The following ZNF385D variants were observed in gnomAD, a reference collection of about 807,000 sequenced individuals.
ZNF385D encodes the protein zinc finger protein 385D.
ZNF385D carries 15 observed loss-of-function variants against 35.8 expected under a neutral mutation model. That is an observed-to-expected ratio of 0.42 (90% CI 0.28 to 0.64). The LOEUF (loss-of-function observed/expected upper bound fraction) is 0.64. Ranked by LOEUF, ZNF385D falls within the 30% of genes least tolerant of loss-of-function variation. The pLI is 0.23. For missense variants in ZNF385D, 474 were observed against 494.6 expected (o/e 0.96, Z 0.39); for synonymous variants, 212 against 186.8 (o/e 1.13, Z -1.10).
chr3:22,138,621 A>G (rs986387619), intron 3 of ZNF385D, among the ~76,000 whole-genome samples: 3 of 151,946 alleles, frequency 2.0e-5, no homozygotes, highest in African/African-American at 2.4e-5. Flanking sequence ...TATATGTAGA[A>G]AGCTGAAACT....
intron 2 of ZNF385D, among the ~76,000 whole-genome samples, chr3:22,229,361 T>C (rs1005506305): frequency 2.0e-5 from 3 of 152,194 alleles, no homozygotes; most frequent in Admixed American, 6.5e-5. Context: ...CCAACTTAGG[T>C]TGTGGTTCAC....
At chr3:22,320,001 C>A (rs1300789153) in intron 2 of ZNF385D, among the ~76,000 whole-genome samples, 5 of 151,928 alleles carry the variant, frequency 3.3e-5, no homozygotes, top group South Asian at 2.1e-4. Context: ...ACAAGAGTGA[C>A]CCCTGCCTTG....
Position 21,750,912 on chromosome 3 carries a change from C to G in ZNF385D, c.5G>C (p.Arg2Thr), listed in dbSNP as rs1575588244. 1 of 1,614,092 alleles carries G rather than the reference C, an allele frequency of 6.2e-7. No homozygotes were observed. Among genetic ancestry groups the G allele is most frequent in the Admixed American group, 1.7e-5 (1 of 60,002 alleles). The change falls in exon 1 of 8, where the codon AGA becomes ACA. Residue 2 changes from arginine to threonine, a missense_variant. Arg to Thr is a moderately conservative substitution (Grantham distance 71). Transcript: ENST00000281523. M[R>T]NIMYFGGTCQ... ...ACACTCACCAAAATACATTATGTTT[C>G]TCATTAATCAGACAGCTGGAATCCC...
At chr3:21,430,468 G>A (rs1341795391) in intron 5 of ZNF385D, among the ~76,000 whole-genome samples, 1 of 152,120 alleles carries the variant, frequency 6.6e-6, no homozygotes, top group East Asian at 1.9e-4. Flanking sequence ...TGGACCCTGT[G>A]ACCAAAGGAA....
At chr3:21,962,480 C>T (rs1273659476) in intron 3 of ZNF385D, among the ~76,000 whole-genome samples, 2 of 152,156 alleles carry the variant, frequency 1.3e-5, no homozygotes, top group Non-Finnish European at 2.9e-5. Flanking sequence ...AAGCAGGCAG[C>T]TTAGAAATAG....
intron 3 of ZNF385D, among the ~76,000 whole-genome samples, chr3:22,046,858 A>G (rs530541672): frequency 1.3e-5 from 2 of 152,166 alleles, no homozygotes; most frequent in Non-Finnish European, 2.9e-5. Context: ...TGTGGAATTC[A>G]TTTCATCAAC....
chr3:22,100,371 G>C (rs1287837504), intron 3 of ZNF385D, among the ~76,000 whole-genome samples: 1,809 of 146,910 alleles, frequency 0.012, 29 homozygotes, highest in African/African-American at 0.044. Flanking sequence ...CTGCTATAAA[G>C]ACACATGCAC....
chr3:21,443,988 A>G (rs1701996658), intron 4 of ZNF385D, among the ~76,000 whole-genome samples: 2 of 152,106 alleles, frequency 1.3e-5, no homozygotes, highest in African/African-American at 4.8e-5. Context: ...TGCTACATGT[A>G]TTACATGCAA....
At chr3:22,153,158 G>A (rs1369486868) in intron 3 of ZNF385D, among the ~76,000 whole-genome samples, 1 of 152,100 alleles carries the variant, frequency 6.6e-6, no homozygotes, top group Non-Finnish European at 1.5e-5. Context: ...TGTGACTGGT[G>A]AACTCATATT....
chr3:21,787,424 C>A (rs968240634), intron 3 of ZNF385D, among the ~76,000 whole-genome samples: 2 of 152,140 alleles, frequency 1.3e-5, no homozygotes. Context: ...AGTCTAAAAA[C>A]TAAATGGGAA....
At chr3:21,710,989 T>C (rs995951651) in intron 1 of ZNF385D, among the ~76,000 whole-genome samples, 1 of 150,878 alleles carries the variant, frequency 6.6e-6, no homozygotes, top group Non-Finnish European at 1.5e-5. Context: ...GACTTTTGTC[T>C]TTGAGCAACT....
intron 3 of ZNF385D, among the ~76,000 whole-genome samples, chr3:21,914,356 T>C (rs1700096545): frequency 1.3e-5 from 2 of 149,496 alleles, no homozygotes; most frequent in African/African-American, 2.5e-5. Context: ...CTCTAACCCA[T>C]CTTCTGTTCA....
At chr3:21,620,516 G>C (rs1290348186) in intron 2 of ZNF385D, among the ~76,000 whole-genome samples, 4 of 152,114 alleles carry the variant, frequency 2.6e-5, no homozygotes, top group Non-Finnish European at 5.9e-5. Context: ...ATCCTTCAAT[G>C]CAGACTGGGA....
intron 1 of ZNF385D, among the ~76,000 whole-genome samples, chr3:21,683,615 TC>T (rs1298518902): frequency 6.8e-6 from 1 of 148,132 alleles, no homozygotes; most frequent in African/African-American, 2.5e-5. Flanking sequence ...AGACTCCATC[TC>T]AAAAAAAAAA....
chr3:21,940,549 G>A (rs1701467262), intron 3 of ZNF385D, among the ~76,000 whole-genome samples: 1 of 152,266 alleles, frequency 6.6e-6, no homozygotes, highest in East Asian at 1.9e-4. Context: ...TCTGCTTCTT[G>A]CTGAAGTGCA....
intron 2 of ZNF385D, among the ~76,000 whole-genome samples, chr3:21,575,944 C>G: frequency 6.6e-6 from 1 of 152,028 alleles, no homozygotes; most frequent in East Asian, 1.9e-4. Flanking sequence ...AGTGGGAAAA[C>G]CTGGATTCAA....
chr3:21,849,007 T>C (rs1275161238), intron 3 of ZNF385D, among the ~76,000 whole-genome samples: 1 of 152,072 alleles, frequency 6.6e-6, no homozygotes, highest in Non-Finnish European at 1.5e-5. Flanking sequence ...TTTCTTAAAG[T>C]TTTATCAACA....
chr3:22,116,679 A>T (rs1702828003), intron 3 of ZNF385D, among the ~76,000 whole-genome samples: 1 of 152,100 alleles, frequency 6.6e-6, no homozygotes, highest in East Asian at 1.9e-4. Flanking sequence ...ATTTGAAGAG[A>T]TTATCAGATA....
intron 3 of ZNF385D, among the ~76,000 whole-genome samples, chr3:22,034,547 A>G (rs1335995212): frequency 6.6e-6 from 1 of 152,228 alleles, no homozygotes; most frequent in Admixed American, 6.5e-5. Flanking sequence ...AAAATGAGGA[A>G]AAAAGAAATC....
Sources: gnomAD v4.1 joint callset for allele counts (sites outside exome capture counted in the v4.1 genomes callset) on GRCh38, gnomAD v4.1.1 for gene constraint, MANE v1.5 for transcripts, NCBI Gene and HGNC (gene_info 2026-07-23, HGNC 2026-07-21) for gene names.